Variants in AK9 observed in about 807,000 individuals in gnomAD.
AK9 encodes the protein adenylate kinase domain containing 1.
A neutral mutation model predicts 239.6 loss-of-function variants in AK9; 191 were observed. That is an observed-to-expected ratio of 0.80 (90% CI 0.71 to 0.90). AK9 has a LOEUF of 0.90. AK9 is among the 40% of genes least tolerant of loss of function. The pLI, the probability that AK9 is intolerant of heterozygous loss-of-function variation, is 0.00. For synonymous variants in AK9, 689 were observed against 721.0 expected, an observed-to-expected ratio of 0.96 and a Z score of 0.71; for missense variants, 1,995 against 2,214.7, an observed-to-expected ratio of 0.90 and a Z score of 1.99.
chr6:109,534,098 T>A (rs1160341502), intron 27 of AK9, among the ~76,000 whole-genome samples: 1 of 151,966 alleles, frequency 6.6e-6, no homozygotes, highest in African/African-American at 2.4e-5. Context: ...TCCTGGTTCC[T>A]ATGGGCAAGA....
At chr6:109,539,964 G>A (rs1782629805) in intron 27 of AK9, among the ~76,000 whole-genome samples, 1 of 152,132 alleles carries the variant, frequency 6.6e-6, no homozygotes, top group Non-Finnish European at 1.5e-5. Context: ...TCCTGTGGAA[G>A]CTTCATCTCA....
intron 17 of AK9, among the ~76,000 whole-genome samples, chr6:109,596,694 T>C (rs989450803): frequency 6.6e-6 from 1 of 152,148 alleles, no homozygotes. Flanking sequence ...GGCTAAGGCT[T>C]CTAAACAAAG....
intron 29 of AK9, among the ~76,000 whole-genome samples, chr6:109,521,791 T>C (rs1456513635): frequency 2.0e-5 from 3 of 152,102 alleles, no homozygotes; most frequent in Non-Finnish European, 4.4e-5. Flanking sequence ...AGCATCATTT[T>C]TTCTTCTTAT....
intron 10 of AK9, among the ~76,000 whole-genome samples, chr6:109,639,750 T>C (rs1797165524): frequency 6.6e-6 from 1 of 152,254 alleles, no homozygotes. Context: ...TGGTATTGCC[T>C]AGGTTTGCTT....
In AK9 at chr6:109,573,549, T is replaced by A. The variant is rs1787695903; in HGVS notation, c.2237A>T (p.Asp746Val). Residue 746 changes from aspartate to valine, a missense_variant, in exon 21 of 41, where the codon GAT (aspartate) becomes GTT (valine). Physicochemically the swap from Asp to Val is radical, Grantham distance 152 (BLOSUM62 -3). Transcript: ENST00000424296. ...DNEDEEEIEGDELEVHEEPEA... is the reference protein window; with the variant it reads ...DNEDEEEIEGVELEVHEEPEA... ...AGGCTCTTCGTGAACTTCCAACTCATCACCTTCAATCTCCTCTTCATCCTC... is the reference window on the plus strand; with the variant it reads ...AGGCTCTTCGTGAACTTCCAACTCAACACCTTCAATCTCCTCTTCATCCTC... 1 of 1,550,986 alleles carries A rather than the reference T, an allele frequency of 6.4e-7. No homozygotes were observed. Among genetic ancestry groups the A allele is most frequent in the East Asian group, 2.4e-5 (1 of 40,908 alleles).
chr6:109,606,030 C>T (rs1443668023), intron 17 of AK9, among the ~76,000 whole-genome samples: 2 of 151,932 alleles, frequency 1.3e-5, no homozygotes, highest in Non-Finnish European at 2.9e-5. Flanking sequence ...CTAGTATCAC[C>T]AGAGAGAATC....
intron 24 of AK9, among the ~76,000 whole-genome samples, chr6:109,560,432 A>T: frequency 6.6e-6 from 1 of 152,130 alleles, no homozygotes. Flanking sequence ...GATCCCCTTT[A>T]TCAAGCTAAG....
Position 109,493,500 on chromosome 6 carries a change from A to G in AK9, c.5605T>C (p.Cys1869Arg). 6.2e-7 allele frequency: 1 copy of G among 1,614,136 alleles called. No homozygotes were observed. The highest frequency in any genetic ancestry group is 8.5e-7 in the Non-Finnish European group (1 of 1,180,008). The change falls in exon 41 of 41, where the codon TGT becomes CGT. Residue 1869 changes from cysteine (C) to arginine (R), a missense_variant. Cys to Arg is a radical substitution (Grantham distance 180). Coordinates refer to ENST00000424296, the MANE Select transcript of AK9 (RefSeq NM_001145128.3). ...KKKMEQFMES[C>R]ELITYLGAKM... ...GCACCCAAGTATGTTATGAGTTCAC[A>G]ACTCTCCATAAACTGCTCCATCTTC...
In AK9 at chr6:109,519,118, C is replaced by T. The variant is rs115088040; in HGVS notation, c.3634-2476G>A. 6.9e-3 allele frequency among the ~76,000 whole-genome samples: 1,045 copies of T among 152,244 alleles called. 13 individuals carry two copies. The highest frequency in any genetic ancestry group is 0.024 in the African/African-American group (1,011 of 41,526). Reference sequence around the variant, plus strand: ...CAGGATAATGGCTTCCAGCTGCATCCACATTGCTGCAAAGGATATGACTTT... The same window carrying T: ...CAGGATAATGGCTTCCAGCTGCATCTACATTGCTGCAAAGGATATGACTTT... On this transcript the variant is annotated intron_variant, in intron 29 of 40. Transcript: ENST00000424296.
chr6:109,587,023 G>GT (rs1789591318), intron 17 of AK9, among the ~76,000 whole-genome samples: 1 of 152,022 alleles, frequency 6.6e-6, no homozygotes, highest in South Asian at 2.1e-4. Flanking sequence ...GTCGAGGCTG[G>GT]TTTAGAACTC....
chr6:109,680,931 A>C (rs1446931157), intron 1 of AK9, among the ~76,000 whole-genome samples: 1 of 151,990 alleles, frequency 6.6e-6, no homozygotes, highest in Admixed American at 6.6e-5. Flanking sequence ...CGAGGCTTCC[A>C]AGAGCTCCTG....
Position 109,493,533 on chromosome 6 carries a change from A to G in AK9, c.5572T>C (p.Tyr1858His). ...ATAAACTGCTCCATCTTCTTCTTAT[A>G]CTTTTTTCTTGTGTATTCGGAACCT... Reference protein sequence around the residue: ...PKGSEYTRKKYKKKMEQFMES... With the variant: ...PKGSEYTRKKHKKKMEQFMES... Residue 1858 changes from tyrosine (Y) to histidine (H), a missense_variant, in exon 41 of 41, where the codon TAT becomes CAT. Tyr to His is a moderately conservative substitution (Grantham distance 83). Around this residue, in one of 5 missense-constraint regions of AK9, gnomAD observed 391 missense variants for 456.0 expected, o/e 0.86. Transcript: ENST00000424296. The G allele has an allele frequency of 1.2e-6, 2 of 1,614,024 alleles. No homozygotes were observed. The highest frequency in any genetic ancestry group is 1.7e-6 in the Non-Finnish European group (2 of 1,180,010).
At chr6:109,571,650 T>G (rs902977541) in intron 21 of AK9, among the ~76,000 whole-genome samples, 6 of 152,338 alleles carry the variant, frequency 3.9e-5, no homozygotes, top group South Asian at 2.1e-4. Context: ...TGGATGGATG[T>G]ATGATTTTGA....
intron 12 of AK9, among the ~76,000 whole-genome samples, chr6:109,629,854 C>T (rs577255901): frequency 3.3e-5 from 5 of 152,022 alleles, no homozygotes; most frequent in Admixed American, 3.3e-4. Flanking sequence ...AGGATGGTCT[C>T]GATCTCCTGA....
chr6:109,545,789 GGAGACC>G, intron 26 of AK9, 72 bp downstream of exon 26: 2 of 1,491,920 alleles, frequency 1.3e-6, no homozygotes, highest in Non-Finnish European at 1.8e-6. Context: ...GGTGACAGAT[GGAGACC>G]CTGTCTCAAA....
chr6:109,682,800 G>C (rs902764394), intron 1 of AK9, among the ~76,000 whole-genome samples: 3 of 152,154 alleles, frequency 2.0e-5, no homozygotes, highest in African/African-American at 7.2e-5. Context: ...TGGATTCACA[G>C]CCGAATTCTA....
At position 109,528,624 on chromosome 6, in the gene AK9, G is replaced by A. The variant is rs1402450589; in HGVS notation, c.3633+387C>T. On this transcript the variant is annotated intron_variant, in intron 29 of 40. Coordinates refer to ENST00000424296, the MANE Select transcript of AK9 (RefSeq NM_001145128.3). ...CTTTGTGCCTGCAGTTGCAGTTGCA[G>A]TTGCACTGTACAATATCAGCAGTCC... 6 of 460,466 alleles carry A rather than the reference G, an allele frequency of 1.3e-5. No homozygotes were observed. The East Asian group carries it at 3.4e-4, about 26-fold the overall frequency. The allele number at this position is 460,466 out of a possible 1,614,324, so 28.5% of individuals were successfully genotyped here.
chr6:109,524,936 A>G (rs1401885314), intron 29 of AK9, among the ~76,000 whole-genome samples: 1 of 152,206 alleles, frequency 6.6e-6, no homozygotes, highest in Non-Finnish European at 1.5e-5. Flanking sequence ...ATAACTACTA[A>G]AAAACGAAGC....
At chr6:109,552,587 T>C (rs1562396711) in intron 24 of AK9, among the ~76,000 whole-genome samples, 1 of 152,266 alleles carries the variant, frequency 6.6e-6, no homozygotes, top group Admixed American at 6.5e-5. Flanking sequence ...AAGTTCAACA[T>C]AAATTCTGAA....
Sources: allele counts gnomAD v4.1 joint callset (sites outside exome capture counted in the v4.1 genomes callset), GRCh38; gene constraint gnomAD v4.1.1; regional missense constraint gnomAD v4.1.1; transcripts MANE v1.5; gene names NCBI Gene and HGNC (gene_info 2026-07-23, HGNC 2026-07-21).